Variants in ELMO1 observed in about 807,000 individuals in gnomAD.
The protein encoded by ELMO1 is engulfment and cell motility 1, also known as engulfment and cell motility protein 1.
A neutral mutation model predicts 98.9 loss-of-function variants in ELMO1; 26 were observed. That is an observed-to-expected ratio of 0.26 (90% CI 0.19 to 0.36). The LOEUF is 0.36. Ranked by LOEUF, ELMO1 falls within the 10% of genes least tolerant of loss-of-function variation. The pLI, the probability that ELMO1 is intolerant of heterozygous loss-of-function variation, is 1.00. For synonymous variants in ELMO1, 346 were observed against 346.0 expected (o/e 1.00, Z 0.00); for missense variants, 627 against 935.2 (o/e 0.67, Z 4.30).
At chr7:37,309,792 A>C (rs1043660238) in intron 4 of ELMO1, among the ~76,000 whole-genome samples, 13 of 152,212 alleles carry the variant, frequency 8.5e-5, no homozygotes, top group Admixed American at 3.9e-4. Context: ...CAGAGCTGGA[A>C]AATAGGACTG....
chr7:37,018,979 C>G (rs534328517), intron 15 of ELMO1, among the ~76,000 whole-genome samples: 1 of 152,252 alleles, frequency 6.6e-6, no homozygotes, highest in African/African-American at 2.4e-5. Flanking sequence ...TAGAGTCAAC[C>G]AATCATTCTT....
At chr7:37,205,414 T>G (rs1792559239) in intron 13 of ELMO1, among the ~76,000 whole-genome samples, 1 of 152,210 alleles carries the variant, frequency 6.6e-6, no homozygotes, top group Non-Finnish European at 1.5e-5. Flanking sequence ...GTTGATTTGT[T>G]AACAATGAAT....
chr7:37,355,216 C>G (rs2700982), intron 1 of ELMO1, among the ~76,000 whole-genome samples: 58,562 of 152,042 alleles, frequency 0.39, 11,984 homozygotes, highest in Middle Eastern at 0.46. Flanking sequence ...GGACAAATTA[C>G]ACAACATGTG....
At position 36,933,528 on chromosome 7, in the gene ELMO1, C is replaced by T. The variant is rs116070605; in HGVS notation, c.1438-38511G>A. Among the ~76,000 whole-genome samples, 854 of 152,290 alleles carry T rather than the reference C, an allele frequency of 5.6e-3. 10 individuals carry two copies. The highest frequency in any genetic ancestry group is 0.019 in the African/African-American group (793 of 41,552). ...TTAAATGCTCTGTGTGAAATACTCT[C>T]TGCACTTGGATGCCCTAGAGTGACA... On this transcript the variant is annotated intron_variant, in intron 16 of 21. Coordinates refer to ENST00000310758, the MANE Select transcript of ELMO1 (RefSeq NM_014800.11).
At chr7:37,042,838 G>A (rs1359505323) in intron 15 of ELMO1, among the ~76,000 whole-genome samples, 2 of 152,092 alleles carry the variant, frequency 1.3e-5, no homozygotes, top group Non-Finnish European at 2.9e-5. Flanking sequence ...AAGCTCTCCT[G>A]GGCCACTCAC....
At chr7:37,375,989 G>C (rs1802324582) in intron 1 of ELMO1, 1 of 548,276 alleles carries the variant, frequency 1.8e-6, no homozygotes, top group Non-Finnish European at 3.3e-6. Flanking sequence ...TTTAGAGGAG[G>C]ATTTGGTTGT....
intron 21 of ELMO1, among the ~76,000 whole-genome samples, chr7:36,861,076 T>C (rs1802592644): frequency 6.6e-6 from 1 of 152,236 alleles, no homozygotes; most frequent in Non-Finnish European, 1.5e-5. Flanking sequence ...AAATCAGCCA[T>C]AACTGCTACT....
Position 37,311,371 on chromosome 7 carries a change from C to A in ELMO1, c.192+3479G>T, listed in dbSNP as rs1016976121. Among the ~76,000 whole-genome samples the A allele has an allele frequency of 6.6e-5, 10 of 151,346 alleles. No homozygotes were observed. The South Asian group carries it at 1.3e-3, about 19-fold the overall frequency. ...AAAATTTTCTGAAGGTGATATTCAT[C>A]TTCAGCGAAAAGACAGAGACAGTCT... On this transcript the variant is annotated intron_variant, in intron 4 of 21. Coordinates refer to ENST00000310758, the MANE Select transcript of ELMO1 (RefSeq NM_014800.11).
intron 14 of ELMO1, among the ~76,000 whole-genome samples, chr7:37,128,387 T>C (rs542388655): frequency 5.8e-4 from 88 of 152,308 alleles, no homozygotes; most frequent in African/African-American, 1.9e-3. Context: ...TCTGGAAAGC[T>C]GGGGAGTGAA....
intron 15 of ELMO1, among the ~76,000 whole-genome samples, chr7:37,095,694 A>C (rs1784334138): frequency 6.6e-6 from 1 of 152,226 alleles, no homozygotes; most frequent in Admixed American, 6.5e-5. Flanking sequence ...CTACACTGTA[A>C]ATAAAACATA....
intron 16 of ELMO1, among the ~76,000 whole-genome samples, chr7:36,914,477 T>C (rs1282183671): frequency 6.6e-6 from 1 of 152,190 alleles, no homozygotes; most frequent in East Asian, 1.9e-4. Flanking sequence ...TGAAAGCACT[T>C]TGTACAACGT....
At position 36,853,520 on chromosome 7, in the gene ELMO1, G is replaced by C. The variant is rs1801994526; in HGVS notation, c.*2031C>G. Among the ~76,000 whole-genome samples, 1 of 152,196 alleles carries C rather than the reference G, an allele frequency of 6.6e-6. No individual in the cohort carries two copies. Among genetic ancestry groups the C allele is most frequent in the South Asian group, 2.1e-4 (1 of 4,822 alleles). ...GGTAGATTAATAACTGCTCCTGATA[G>C]CAAGTACATGTTAATAACATCGAAG... On this transcript the variant is annotated 3_prime_UTR_variant, in exon 22 of 22. Transcript: ENST00000310758.
At chr7:37,135,018 T>C (rs893124204) in intron 13 of ELMO1, among the ~76,000 whole-genome samples, 15 of 152,238 alleles carry the variant, frequency 9.9e-5, no homozygotes, top group African/African-American at 3.6e-4. Context: ...AGTGTATCCA[T>C]GCAACAAAAA....
intron 1 of ELMO1, among the ~76,000 whole-genome samples, chr7:37,346,516 C>A (rs373744169): frequency 6.6e-6 from 1 of 152,164 alleles, no homozygotes; most frequent in African/African-American, 2.4e-5. Flanking sequence ...ATCTGTACTT[C>A]GGACTTCCTC....
intron 1 of ELMO1, among the ~76,000 whole-genome samples, chr7:37,381,153 A>C (rs1318710156): frequency 6.6e-6 from 1 of 152,250 alleles, no homozygotes; most frequent in Admixed American, 6.5e-5. Context: ...ACAAATAGAT[A>C]CTAGCAAGTA....
intron 13 of ELMO1, among the ~76,000 whole-genome samples, chr7:37,146,532 A>G (rs570416642): frequency 6.6e-6 from 1 of 152,056 alleles, no homozygotes; most frequent in Admixed American, 6.6e-5. Flanking sequence ...CATGGGCCCC[A>G]CCACTCTCTC....
Position 37,013,404 on chromosome 7 carries a change from C to T in ELMO1, c.1332G>A (p.Met444Ile), listed in dbSNP as rs149093668. ...CAAAGGATCTGTCGTGGGTGAAGAA[C>T]ATCGGGTGGAAGTCGTTGCAGGTCT... ...PSETCNDFHP[M>I]FFTHDRSFEE... Residue 444 changes from methionine to isoleucine, a missense_variant, in exon 16 of 22, where the codon ATG becomes ATA. By Grantham distance (10) the Met-to-Ile change is conservative. This residue lies in a region of ELMO1 where 492 missense variants were observed against 715.6 expected (regional missense o/e 0.69). Transcript: ENST00000310758. 3.3e-3 allele frequency: 5,298 copies of T among 1,613,966 alleles called. 15 individuals carry two copies. Among genetic ancestry groups the T allele is most frequent in the Non-Finnish European group, 3.6e-3 (4,218 of 1,179,952 alleles).
chr7:36,952,097 C>G (rs1176737393), intron 16 of ELMO1, among the ~76,000 whole-genome samples: 1 of 152,172 alleles, frequency 6.6e-6, no homozygotes, highest in Non-Finnish European at 1.5e-5. Context: ...GACTGATGAA[C>G]AGGTGCATCC....
intron 1 of ELMO1, among the ~76,000 whole-genome samples, chr7:37,398,339 C>T (rs576097574): frequency 3.3e-5 from 5 of 152,244 alleles, no homozygotes; most frequent in African/African-American, 1.2e-4. Flanking sequence ...AAGTTTCCTT[C>T]AAACAAAAAC....
Sources: allele counts gnomAD v4.1 joint callset (sites outside exome capture counted in the v4.1 genomes callset), GRCh38; gene constraint gnomAD v4.1.1; regional missense constraint gnomAD v4.1.1; transcripts MANE v1.5; gene names NCBI Gene and HGNC (gene_info 2026-07-23, HGNC 2026-07-21).